The following ABCA2 variants were observed in gnomAD, a reference collection of about 807,000 sequenced individuals.
ABCA2 encodes the protein ATP binding cassette subfamily A member 2.
Under a neutral mutation model 262.8 loss-of-function variants are expected in ABCA2, and 84 were observed. The observed-to-expected ratio is 0.32, with a 90% CI of 0.27 to 0.38. The LOEUF is 0.38. Among genes scored for constraint, ABCA2 ranks in the 10% least tolerant of loss-of-function variants. The pLI, the probability that ABCA2 is intolerant of heterozygous loss-of-function variation, is 1.00. For synonymous variants in ABCA2, 1,696 were observed against 1,502.9 expected (o/e 1.13, Z -2.97); for missense variants, 2,662 against 3,405.9 (o/e 0.78, Z 5.44).
At chr9:137,014,471 A>G in intron 26 of ABCA2, 67 bp from the exon 27 acceptor site, 1 of 1,505,042 alleles carries the variant, frequency 6.6e-7, no homozygotes, top group East Asian at 2.5e-5. Flanking sequence ...CAGGACCCCC[A>G]TCCCCGGTCT....
Position 137,011,932 on chromosome 9 carries a change from G to A in ABCA2, c.5447C>T (p.Ala1816Val). ...VPASFVVFLVAEKSTKAKHLQ... is the reference protein window; with the variant it reads ...VPASFVVFLVVEKSTKAKHLQ... The stretch of plus-strand genomic sequence containing the variant: ...GTGCTTGGCCTTGGTGGACTTCTCG[G>A]CCACGAGGAAGACAACGAAGCTGGC... The change falls in exon 35 of 49, where the codon GCC becomes GTC. Residue 1816 changes from alanine (A) to valine (V), a missense_variant. Physicochemically the swap from Ala to Val is moderately conservative, Grantham distance 64 (BLOSUM62 0). Transcript: ENST00000341511. The surrounding 1 kb of genome is among the most constrained non-coding windows in gnomAD (Gnocchi z 8.8). The A allele has an allele frequency of 1.2e-6, 2 of 1,612,670 alleles. No homozygotes were observed. The highest frequency in any genetic ancestry group is 1.7e-6 in the Non-Finnish European group (2 of 1,179,920).
chr9:137,012,281 G>A lies in ABCA2; in HGVS notation c.5283C>T (p.Gly1761=). 1 of 1,598,672 alleles carries A rather than the reference G, an allele frequency of 6.3e-7. No individual in the cohort carries two copies. The highest frequency in any genetic ancestry group is 1.1e-5 in the South Asian group (1 of 90,756). Residue 1761 remains glycine, a synonymous_variant, in exon 33 of 49, where the codon GGC becomes GGT. Transcript: ENST00000341511. The stretch of plus-strand genomic sequence containing the variant: ...TCAGCTCACCGTAAGCCGCCGGGTT[G>A]CCCTTGCTCTTGGGCAGGTTGGCAC... ...ILRANLPKSK[G]NPAAYGITVT...
At position 137,012,026 on chromosome 9, in the gene ABCA2, A is replaced by G; in HGVS notation, c.5361-8T>C. 1 of 1,612,142 alleles carries G rather than the reference A, an allele frequency of 6.2e-7. No individual in the cohort carries two copies. The highest frequency in any genetic ancestry group is 8.5e-7 in the Non-Finnish European group (1 of 1,179,620). On this transcript the variant is annotated splice_region_variant and splice_polypyrimidine_tract_variant and intron_variant, in intron 34 of 48. Transcript: ENST00000341511. Reference sequence around the variant, plus strand: ...ACATCCGTGCCCTGCAGCCTGGGGCAAGGAAGCCCTCAGTCCTCACGGCCG... The same window carrying G: ...ACATCCGTGCCCTGCAGCCTGGGGCGAGGAAGCCCTCAGTCCTCACGGCCG...
chr9:137,013,465 A>ACTCGCGGCGCTC lies in ABCA2; in HGVS notation c.4534_4545dup (p.Glu1512_Glu1515dup). Reference sequence around the variant, plus strand: ...TGCCCCCGCTGGAGGCCTCACCGGTACTCGCGGCGCTCCTCGTTGGCGTAG... The same window carrying ACTCGCGGCGCTC: ...TGCCCCCGCTGGAGGCCTCACCGGTACTCGCGGCGCTCCTCGCGGCGCTCCTCGTTGGCGTAG... On this transcript the variant is annotated inframe_insertion, in exon 29 of 49. Coordinates refer to ENST00000341511, the MANE Select transcript of ABCA2 (RefSeq NM_001606.5). 1 of 1,604,204 alleles carries ACTCGCGGCGCTC rather than the reference A, an allele frequency of 6.2e-7. No homozygotes were observed. The highest frequency in any genetic ancestry group is 8.5e-7 in the Non-Finnish European group (1 of 1,177,326).
At chr9:137,013,423 GC>G in intron 29 of ABCA2, 37 bp downstream of exon 29, 1 of 1,485,850 alleles carries the variant, frequency 6.7e-7, no homozygotes. Flanking sequence ...CCCTTCACTC[GC>G]CCCACCCACC....
rs769488902 is a variant in ABCA2 at position 137,015,421 on chromosome 9, GC to G, written c.3689del (p.Gly1230AlafsTer17). 13 of 1,562,614 alleles carry G rather than the reference GC, an allele frequency of 8.3e-6. No individual in the cohort carries two copies. Among genetic ancestry groups the G allele is most frequent in the East Asian group, 4.8e-5 (2 of 42,014 alleles). Reference protein sequence around the residue: ...TLVKRPAEPGGPQEPGLASSP... With the variant: ...TLVKRPAEPGXPQEPGLASSP... ...GGCAGCTTCAACACAGACCTTGGGG[GC>G]CCCCCGGCTCGGCGGGCCGCTTGAC... On this transcript the variant is annotated frameshift_variant, in exon 24 of 49. Transcript: ENST00000341511. LOFTEE classifies it high-confidence loss of function.
Position 137,017,291 on chromosome 9 carries a change from T to C in ABCA2, c.2458A>G (p.Ile820Val). The C allele has an allele frequency of 6.2e-7, 1 of 1,612,644 alleles. No individual in the cohort carries two copies. The highest frequency in any genetic ancestry group is 8.5e-7 in the Non-Finnish European group (1 of 1,179,888). ...GGCACGTAGCTCAGGAAGTAGATGA[T>C]GCCACCGCAGGCCGAGGCCAGCTTG... ...KAKLASACGG[I>V]IYFLSYVPYM... The change falls in exon 18 of 49, where the codon ATC (isoleucine) becomes GTC (valine). Residue 820 changes from isoleucine (I) to valine (V), a missense_variant. Ile to Val is a conservative substitution (Grantham distance 29, BLOSUM62 3). Transcript: ENST00000341511.
Position 137,010,634 on chromosome 9 carries a change from C to T in ABCA2, c.6160G>A (p.Glu2054Lys), listed in dbSNP as rs762366113. 1 of 1,542,498 alleles carries T rather than the reference C, an allele frequency of 6.5e-7. No individual in the cohort carries two copies. Among genetic ancestry groups the T allele is most frequent in the Non-Finnish European group, 8.8e-7 (1 of 1,134,408 alleles). The change falls in exon 40 of 49, where the codon GAG (glutamate) becomes AAG (lysine). Residue 2054 changes from glutamate (E) to lysine (K), a missense_variant. Physicochemically the swap from Glu to Lys is moderately conservative, Grantham distance 56. This residue lies in a region of ABCA2 where 602 missense variants were observed against 897.4 expected (regional missense o/e 0.67). Coordinates refer to ENST00000341511, the MANE Select transcript of ABCA2 (RefSeq NM_001606.5). ...CCAGAGCCCACCTTGGTCAGGTTCTCAATCTTGACCATGTCATTGTCGGCG... is the reference window on the plus strand; with the variant it reads ...CCAGAGCCCACCTTGGTCAGGTTCTTAATCTTGACCATGTCATTGTCGGCG... ...GDADNDMVKI[E>K]NLTKVYKSRK...
At position 137,008,772 on chromosome 9, in the gene ABCA2, C is replaced by T; in HGVS notation, c.7027G>A (p.Gly2343Ser). Reference sequence around the variant, plus strand: ...TGGCTGACCGAGTAGTCCTCGATGCCCAGCACGCCAGACACCTGCTCCATC... The same window carrying T: ...TGGCTGACCGAGTAGTCCTCGATGCTCAGCACGCCAGACACCTGCTCCATC... ...SKMEQVSGVLGIEDYSVSQTT... is the reference protein window; with the variant it reads ...SKMEQVSGVLSIEDYSVSQTT... Residue 2343 changes from glycine (G) to serine (S), a missense_variant, in exon 47 of 49, where the codon GGC (glycine) becomes AGC (serine). This residue lies in a region of ABCA2 where 212 missense variants were observed against 214.4 expected (regional missense o/e 0.99). Coordinates refer to ENST00000341511, the MANE Select transcript of ABCA2 (RefSeq NM_001606.5). 2.5e-6 allele frequency: 4 copies of T among 1,596,272 alleles called. No homozygotes were observed. The highest frequency in any genetic ancestry group is 3.4e-6 in the Non-Finnish European group (4 of 1,173,352).
chr9:137,022,674 C>T (rs762411763), intron 5 of ABCA2, 28 bp downstream of exon 5: 7 of 1,595,966 alleles, frequency 4.4e-6, no homozygotes, highest in Non-Finnish European at 5.1e-6. Flanking sequence ...CGCAGCCCTG[C>T]CCCCCAACTT....
rs1370336482 is a variant in ABCA2 at position 137,017,564 on chromosome 9, G to C, written c.2340C>G (p.His780Gln). 14 of 1,612,618 alleles carry C rather than the reference G, an allele frequency of 8.7e-6. No homozygotes were observed. The highest frequency in any genetic ancestry group is 1.1e-5 in the Non-Finnish European group (13 of 1,179,810). ...AILKYGQVLM[H>Q]SHVVIIWLFL... ...AGAGCCAGATGATGACCACGTGGCTGTGCATAAGCACCTGGCCGTACTTCA... is the reference window on the plus strand; with the variant it reads ...AGAGCCAGATGATGACCACGTGGCTCTGCATAAGCACCTGGCCGTACTTCA... The change falls in exon 17 of 49, where the codon CAC becomes CAG. Residue 780 changes from histidine (H) to glutamine (Q), a missense_variant. His to Gln is a conservative substitution (Grantham distance 24). Coordinates refer to ENST00000341511, the MANE Select transcript of ABCA2 (RefSeq NM_001606.5).
intron 1 of ABCA2, 80 bp from the exon 2 acceptor site, chr9:137,024,316 CA>C: frequency 8.6e-6 from 11 of 1,272,462 alleles, no homozygotes; most frequent in Non-Finnish European, 1.2e-5. Context: ...AGGGCTGGCC[CA>C]GCCCAGACAG....
At position 137,021,970 on chromosome 9, in the gene ABCA2, G is replaced by A; in HGVS notation, c.599C>T (p.Ala200Val). The A allele has an allele frequency of 1.9e-6, 3 of 1,603,408 alleles. No homozygotes were observed. The highest frequency in any genetic ancestry group is 2.6e-6 in the Non-Finnish European group (3 of 1,176,000). The change falls in exon 7 of 49, where the codon GCC becomes GTC. Residue 200 changes from alanine (A) to valine (V), a missense_variant. Physicochemically the swap from Ala to Val is moderately conservative, Grantham distance 64. Transcript: ENST00000341511. The surrounding 1 kb of genome is among the most constrained non-coding windows in gnomAD (Gnocchi z 6.0). ...VYHLLFGPSS[A>V]LDSQSGLHKG... Reference sequence around the variant, plus strand: ...GTGGAGGCCAGACTGTGAATCCAGGGCAGATGAGGGACCAAAGAGCAGGTG... The same window carrying A: ...GTGGAGGCCAGACTGTGAATCCAGGACAGATGAGGGACCAAAGAGCAGGTG...
Position 137,021,403 on chromosome 9 carries a change from C to T in ABCA2, c.886G>A (p.Val296Ile), listed in dbSNP as rs761674341. 9 of 1,607,708 alleles carry T rather than the reference C, an allele frequency of 5.6e-6. No individual in the cohort carries two copies. Among genetic ancestry groups the T allele is most frequent in the Admixed American group, 1.7e-5 (1 of 59,984 alleles). The change falls in exon 8 of 49, where the codon GTC (valine) becomes ATC (isoleucine). Residue 296 changes from valine to isoleucine, a missense_variant. Around this residue, in one of 12 missense-constraint regions of ABCA2, gnomAD observed 403 missense variants for 375.9 expected, o/e 1.07. Coordinates refer to ENST00000341511, the MANE Select transcript of ABCA2 (RefSeq NM_001606.5). This position sits in a 1 kb window ranked among gnomAD's most constrained non-coding sequence, Gnocchi z 6.0. The stretch of plus-strand genomic sequence containing the variant: ...AGGCAGGGCCTCACCTGCTGGGAGA[C>T]CTTGGCCACGTCCAGCTGGTTCCGG... ...ELRNQLDVAK[V>I]SQQLGLDAPN... is the part of the protein sequence containing the mutation.
In ABCA2 at chr9:137,010,057, C is replaced by G. The variant is rs755962897; in HGVS notation, c.6421G>C (p.Asp2141His). 5 of 1,601,146 alleles carry G rather than the reference C, an allele frequency of 3.1e-6. No individual in the cohort carries two copies. The highest frequency in any genetic ancestry group is 3.4e-6 in the Non-Finnish European group (4 of 1,177,068). The change falls in exon 42 of 49, where the codon GAC (aspartate) becomes CAC (histidine). Residue 2141 changes from aspartate (D) to histidine (H), a missense_variant. Around this residue, in one of 12 missense-constraint regions of ABCA2, gnomAD observed 602 missense variants for 897.4 expected, o/e 0.67. Transcript: ENST00000341511. ...GYCPQCDALF[D>H]ELTAREHLQL... Reference sequence around the variant, plus strand: ...AGGTGCTCCCGGGCCGTGAGCTCGTCGAACAGCGCGTCACACTGCGGGCAG... The same window carrying G: ...AGGTGCTCCCGGGCCGTGAGCTCGTGGAACAGCGCGTCACACTGCGGGCAG...
intron 1 of ABCA2, 29 bp from the exon 2 acceptor site, chr9:137,024,265 G>T (rs371091825): frequency 7.0e-6 from 11 of 1,570,610 alleles, no homozygotes; most frequent in African/African-American, 2.7e-5. Flanking sequence ...GTGAGGGATA[G>T]GACAGACCTG....
chr9:137,022,263 G>T, intron 6 of ABCA2, 88 bp downstream of exon 6: 1 of 1,474,184 alleles, frequency 6.8e-7, no homozygotes, highest in Non-Finnish European at 9.0e-7. Context: ...CGTGACTCAG[G>T]CTGAGCATCC....
At chr9:137,028,392 G>T (rs1264630830), upstream of ABCA2, 6 of 562,312 alleles carry the variant, frequency 1.1e-5, no homozygotes, top group Non-Finnish European at 1.3e-5. The surrounding 1 kb of genome is among the most constrained non-coding windows in gnomAD (Gnocchi z 6.9). Flanking sequence ...CCCGCGCCGC[G>T]CCCGGGACCG....
chr9:137,016,114 G>A lies in ABCA2; in HGVS notation c.3165C>T (p.Asp1055=), dbSNP rs746435543. Residue 1055 remains aspartate (D), a synonymous_variant, in exon 22 of 49, where the codon GAC becomes GAT. Coordinates refer to ENST00000341511, the MANE Select transcript of ABCA2 (RefSeq NM_001606.5). ...TSGSATIYGH[D]IRTEMDEIRK... ...GGATCTCATCCATCTCCGTGCGGATGTCGTGCCCGTAGATGGTGGCGGAAC... is the reference window on the plus strand; with the variant it reads ...GGATCTCATCCATCTCCGTGCGGATATCGTGCCCGTAGATGGTGGCGGAAC... 2.5e-6 allele frequency: 4 copies of A among 1,612,766 alleles called. No homozygotes were observed. The highest frequency in any genetic ancestry group is 1.1e-5 in the South Asian group (1 of 91,090).
Sources: gnomAD v4.1 joint callset for allele counts on GRCh38, gnomAD v4.1.1 for gene constraint, gnomAD v4.1.1 regional missense constraint, Gnocchi (gnomAD v3.1) non-coding constraint, MANE v1.5 for transcripts, NCBI Gene and HGNC (gene_info 2026-07-23, HGNC 2026-07-21) for gene names.